Variants in MECOM observed in about 807,000 individuals in gnomAD.
MECOM encodes MDS1 and EVI1 complex locus.
In MECOM, 13 loss-of-function variants were observed where a neutral mutation model predicts 116.3. That is an observed-to-expected ratio of 0.11 (90% CI 0.07 to 0.18). MECOM has a LOEUF of 0.18. Ranked by LOEUF, MECOM falls within the 10% of genes least tolerant of loss-of-function variation. MECOM has a pLI of 1.00. For synonymous variants in MECOM, 528 were observed against 535.2 expected (o/e 0.99, Z 0.19); for missense variants, 1,299 against 1,509.0 (o/e 0.86, Z 2.31).
intron 2 of MECOM, among the ~76,000 whole-genome samples, chr3:169,172,815 A>G (rs796750036): frequency 1.8e-4 from 28 of 152,260 alleles, no homozygotes; most frequent in African/African-American, 6.7e-4. Flanking sequence ...AGCCCTGACA[A>G]GTTGCTTGGC....
At chr3:169,170,946 G>A (rs1189250512) in intron 2 of MECOM, among the ~76,000 whole-genome samples, 1 of 152,072 alleles carries the variant, frequency 6.6e-6, no homozygotes, top group Non-Finnish European at 1.5e-5. Flanking sequence ...TTACAGAACA[G>A]CCTTCCATAT....
intron 1 of MECOM, among the ~76,000 whole-genome samples, chr3:169,500,338 T>C (rs1334471163): frequency 1.3e-5 from 2 of 151,994 alleles, no homozygotes; most frequent in Non-Finnish European, 2.9e-5. Context: ...TCTGATGGCT[T>C]TTTTATAACC....
In MECOM at chr3:169,131,413, C is replaced by A. The variant is rs1466424100; in HGVS notation, c.613+16G>T. 3 of 1,599,102 alleles carry A rather than the reference C, an allele frequency of 1.9e-6. No individual in the cohort carries two copies. Among genetic ancestry groups the A allele is most frequent in the South Asian group, 2.2e-5 (2 of 90,702 alleles). ...GATGATAAGGTGATAAGGAGGGTGG[C>A]GTGAGTGGTACTAACCGTGGATATC... On this transcript the variant is annotated intron_variant, in intron 4 of 16. Transcript: ENST00000651503.
chr3:169,530,262 C>T (rs1758449862), intron 1 of MECOM, among the ~76,000 whole-genome samples: 1 of 152,130 alleles, frequency 6.6e-6, no homozygotes, highest in Non-Finnish European at 1.5e-5. Context: ...TTGCAAATTC[C>T]TGGGTGTTAC....
chr3:169,473,405 G>A (rs923150989), intron 1 of MECOM, among the ~76,000 whole-genome samples: 10 of 152,158 alleles, frequency 6.6e-5, no homozygotes, highest in African/African-American at 1.4e-4. Context: ...TCAGCAACAC[G>A]ATTTTGAGAA....
At chr3:169,098,305 C>G (rs1017451422) in intron 12 of MECOM, among the ~76,000 whole-genome samples, 3 of 152,204 alleles carry the variant, frequency 2.0e-5, no homozygotes, top group Non-Finnish European at 4.4e-5. Flanking sequence ...TAGTTTTCTA[C>G]AGTCTCTAAC....
At chr3:169,203,907 TG>T (rs2149455640) in intron 2 of MECOM, among the ~76,000 whole-genome samples, 1 of 152,324 alleles carries the variant, frequency 6.6e-6, no homozygotes, top group East Asian at 1.9e-4. Context: ...CTCATTTCCA[TG>T]TGAATATCTG....
chr3:169,534,232 T>C (rs1264302284), intron 1 of MECOM, among the ~76,000 whole-genome samples: 2 of 152,200 alleles, frequency 1.3e-5, no homozygotes, highest in Non-Finnish European at 2.9e-5. Context: ...AGAATTCAAA[T>C]AGGAAAAATA....
chr3:169,151,479 C>A (rs1027670142), intron 2 of MECOM, among the ~76,000 whole-genome samples: 4 of 152,170 alleles, frequency 2.6e-5, no homozygotes, highest in Non-Finnish European at 4.4e-5. Flanking sequence ...AAACTCCAAG[C>A]CTAACATCTT....
chr3:169,550,787 T>C (rs765147044), intron 1 of MECOM, among the ~76,000 whole-genome samples: 2 of 151,898 alleles, frequency 1.3e-5, no homozygotes, highest in African/African-American at 2.4e-5. Context: ...AAAACAAATG[T>C]GGTCTTTATA....
At chr3:169,418,675 G>C (rs1433881185) in intron 1 of MECOM, among the ~76,000 whole-genome samples, 1 of 152,014 alleles carries the variant, frequency 6.6e-6, no homozygotes, top group Non-Finnish European at 1.5e-5. Flanking sequence ...ATGCAGAAAA[G>C]GCCTTCGATA....
intron 1 of MECOM, among the ~76,000 whole-genome samples, chr3:169,663,011 G>A (rs1240640410): frequency 5.1e-5 from 3 of 58,368 alleles, no homozygotes; most frequent in East Asian, 1.0e-3. Context: ...CCACCCCTTC[G>A]CGCTCACTCT....
At chr3:169,442,808 TCA>T (rs1743954008) in intron 1 of MECOM, among the ~76,000 whole-genome samples, 1 of 152,194 alleles carries the variant, frequency 6.6e-6, no homozygotes, top group African/African-American at 2.4e-5. Flanking sequence ...GATGAGGTTT[TCA>T]CATTTTTTTT....
At chr3:169,605,058 G>A (rs1768343945) in intron 1 of MECOM, among the ~76,000 whole-genome samples, 1 of 152,096 alleles carries the variant, frequency 6.6e-6, no homozygotes, top group Non-Finnish European at 1.5e-5. Context: ...AATTCCCAGA[G>A]GCAACATTAT....
rs1776566909 is a variant in MECOM, at chr3:169,663,247, G to T, written c.37+89C>A. 7 of 1,482,572 alleles carry T rather than the reference G, an allele frequency of 4.7e-6. No individual in the cohort carries two copies. The East Asian group carries it at 1.2e-4, about 26-fold the overall frequency. 91.8% of individuals were successfully genotyped at this position (1,482,572 alleles called of 1,614,324 possible). On this transcript the variant is annotated intron_variant, in intron 1 of 16. Coordinates refer to ENST00000651503, the MANE Select transcript of MECOM (RefSeq NM_004991.4). Reference sequence around the variant, plus strand: ...ACCCGGGGCCCCGGCGCAAGAGGCAGCCCGCGCTCCCTCCCGGAGCGCTAG... The same window carrying T: ...ACCCGGGGCCCCGGCGCAAGAGGCATCCCGCGCTCCCTCCCGGAGCGCTAG...
chr3:169,120,976 G>T, intron 7 of MECOM, 80 bp downstream of exon 7: 1 of 1,457,738 alleles, frequency 6.9e-7, no homozygotes. Flanking sequence ...TAAAGGCCAT[G>T]TGCAGCCACT....
intron 1 of MECOM, among the ~76,000 whole-genome samples, chr3:169,530,537 G>A (rs551659515): frequency 6.6e-6 from 1 of 152,246 alleles, no homozygotes; most frequent in East Asian, 1.9e-4. Context: ...GAGATTCCAG[G>A]AAGCTTCAGA....
intron 1 of MECOM, among the ~76,000 whole-genome samples, chr3:169,661,615 A>C (rs1336357458): frequency 6.6e-6 from 1 of 152,188 alleles, no homozygotes; most frequent in East Asian, 1.9e-4. Context: ...AGGACTGCAC[A>C]AAGCACTGGA....
chr3:169,177,932 G>A (rs753660586), intron 2 of MECOM, among the ~76,000 whole-genome samples: 1 of 151,190 alleles, frequency 6.6e-6, no homozygotes, highest in Non-Finnish European at 1.5e-5. Context: ...AAAAAAAAAG[G>A]AGAAAAAAAC....
Sources: gnomAD v4.1 joint callset for allele counts (sites outside exome capture counted in the v4.1 genomes callset) on GRCh38, gnomAD v4.1.1 for gene constraint, MANE v1.5 for transcripts, NCBI Gene and HGNC (gene_info 2026-07-23, HGNC 2026-07-21) for gene names.